Variants in FYN observed in about 807,000 individuals in gnomAD.
FYN encodes tyrosine-protein kinase Fyn.
FYN carries 10 observed loss-of-function variants against 70.2 expected under a neutral mutation model. The ratio of observed to expected loss-of-function variants is 0.14; its 90% CI spans 0.09 to 0.24. The LOEUF (loss-of-function observed/expected upper bound fraction) is 0.24, where lower values mean the gene tolerates loss of function less well. Ranked by LOEUF, FYN falls within the 10% of genes least tolerant of loss-of-function variation. The pLI, the probability that FYN is intolerant of heterozygous loss-of-function variation, is 1.00. For synonymous variants in FYN, 236 were observed against 248.6 expected (o/e 0.95, Z 0.48); for missense variants, 319 against 673.1 (o/e 0.47, Z 5.82).
intron 2 of FYN, among the ~76,000 whole-genome samples, chr6:111,797,990 T>C (rs984630074): frequency 6.6e-6 from 1 of 152,032 alleles, no homozygotes; most frequent in African/African-American, 2.4e-5. Context: ...CTCAAACTCC[T>C]GACCTCAGGT....
intron 2 of FYN, among the ~76,000 whole-genome samples, chr6:111,813,647 A>G (rs1397515916): frequency 1.3e-5 from 2 of 152,228 alleles, no homozygotes; most frequent in African/African-American, 4.8e-5. Flanking sequence ...TAAATCAGCT[A>G]CTTTACCTCT....
chr6:111,772,724 G>A (rs930962237), intron 3 of FYN, among the ~76,000 whole-genome samples: 2 of 152,040 alleles, frequency 1.3e-5, no homozygotes, highest in African/African-American at 4.8e-5. Context: ...AGCCCAGAGT[G>A]TAAGGCACTG....
chr6:111,805,019 C>G (rs1307399874), intron 2 of FYN, among the ~76,000 whole-genome samples: 1 of 152,088 alleles, frequency 6.6e-6, no homozygotes, highest in Admixed American at 6.5e-5. Context: ...GAGTCCTTTT[C>G]AGCCTGCTTC....
At chr6:111,670,711 C>A (rs1293045133) in intron 13 of FYN, among the ~76,000 whole-genome samples, 1 of 148,432 alleles carries the variant, frequency 6.7e-6, no homozygotes, top group East Asian at 2.0e-4. Context: ...GGTGAGATAA[C>A]CAGGTCTGTG....
chr6:111,868,741 A>T (rs778011140), intron 1 of FYN, among the ~76,000 whole-genome samples: 1 of 152,342 alleles, frequency 6.6e-6, no homozygotes, highest in Non-Finnish European at 1.5e-5. Context: ...TCTACCACTT[A>T]GTAGCTGTAT....
intron 2 of FYN, among the ~76,000 whole-genome samples, chr6:111,816,405 T>G (rs538235251): frequency 1.3e-3 from 201 of 152,302 alleles, no homozygotes; most frequent in African/African-American, 4.6e-3. Flanking sequence ...ATCCTTTCAG[T>G]GAGGATTCAG....
intron 3 of FYN, among the ~76,000 whole-genome samples, chr6:111,740,679 C>T (rs529760084): frequency 6.6e-6 from 1 of 152,312 alleles, no homozygotes; most frequent in South Asian, 2.1e-4. Flanking sequence ...TCCCTCTTCA[C>T]ACCTCCTCCC....
chr6:111,872,596 T>A (rs1461280717), intron 1 of FYN, among the ~76,000 whole-genome samples: 5 of 151,834 alleles, frequency 3.3e-5, no homozygotes, highest in African/African-American at 1.2e-4. Context: ...GATTACATCA[T>A]CCCTGACATT....
At position 111,814,966 on chromosome 6, in the gene FYN, TCA is replaced by T. The variant is rs566516322; in HGVS notation, c.-82+31621_-82+31622del. On this transcript the variant is annotated intron_variant, in intron 2 of 13. Coordinates refer to ENST00000354650, the MANE Select transcript of FYN (RefSeq NM_002037.5). ...AGGCAAGGCAGGTAAGCTGGTGAAT[TCA>T]CAGTTCTGCATGTGTGTATGTACAC... is the stretch of plus-strand genomic sequence containing the variant. Among the ~76,000 whole-genome samples, 162 of 152,352 alleles carry T rather than the reference TCA, an allele frequency of 1.1e-3. 4 individuals are homozygous for T. In the South Asian group the frequency reaches 0.024, roughly 23 times the overall value.
intron 13 of FYN, among the ~76,000 whole-genome samples, chr6:111,664,605 C>T (rs1163911178): frequency 1.3e-5 from 2 of 151,410 alleles, no homozygotes; most frequent in African/African-American, 4.9e-5. Flanking sequence ...GTAGCGTCTC[C>T]CGAGGCAGTC....
chr6:111,662,313 T>C (rs1253277152), intron 13 of FYN, among the ~76,000 whole-genome samples: 3 of 152,230 alleles, frequency 2.0e-5, no homozygotes, highest in Non-Finnish European at 2.9e-5. Context: ...CAGAGGGAAC[T>C]CCAAGTGGGA....
intron 2 of FYN, among the ~76,000 whole-genome samples, chr6:111,781,708 T>C (rs1015542030): frequency 6.6e-6 from 1 of 152,216 alleles, no homozygotes; most frequent in Non-Finnish European, 1.5e-5. Flanking sequence ...TTTTGTGCTA[T>C]GGCAGTCTAA....
Position 111,694,374 on chromosome 6 carries a change from C to A in FYN, c.1273+1G>T. On this transcript the variant is annotated splice_donor_variant, in intron 12 of 13. Transcript: ENST00000354650. LOFTEE classifies it high-confidence loss of function. This position sits in a 1 kb window ranked among gnomAD's most constrained non-coding sequence, Gnocchi z 5.0. Reference sequence around the variant, plus strand: ...CGAGCCATTGTCATTCAAGTGCCCACCTTGTCTTGCTGTGTACTCATTGTC... The same window carrying A: ...CGAGCCATTGTCATTCAAGTGCCCAACTTGTCTTGCTGTGTACTCATTGTC... The A allele has an allele frequency of 6.2e-7, 1 of 1,614,118 alleles. No homozygotes were observed. The highest frequency in any genetic ancestry group is 8.5e-7 in the Non-Finnish European group (1 of 1,179,960).
intron 13 of FYN, among the ~76,000 whole-genome samples, chr6:111,667,113 A>T (rs1048257766): frequency 2.6e-5 from 4 of 152,152 alleles, no homozygotes. Context: ...CTGACTCTGT[A>T]GGGTTGCCAA....
At chr6:111,670,007 C>A (rs921082874) in intron 13 of FYN, among the ~76,000 whole-genome samples, 6 of 152,022 alleles carry the variant, frequency 3.9e-5, no homozygotes, top group Non-Finnish European at 8.8e-5. Flanking sequence ...GGTTCTGAGG[C>A]AGACAGGGGA....
chr6:111,720,887 C>A (rs972988992), intron 3 of FYN, among the ~76,000 whole-genome samples: 1 of 152,136 alleles, frequency 6.6e-6, no homozygotes, highest in Non-Finnish European at 1.5e-5. Flanking sequence ...CCAGGCTCCT[C>A]ATCTAAGTAA....
At chr6:111,781,302 G>A (rs1010356405) in intron 2 of FYN, among the ~76,000 whole-genome samples, 1 of 152,036 alleles carries the variant, frequency 6.6e-6, no homozygotes, top group Non-Finnish European at 1.5e-5. Context: ...GTCCAGCCCC[G>A]CAAGAATTTC....
chr6:111,834,812 C>G (rs530129964), intron 2 of FYN, among the ~76,000 whole-genome samples: 1 of 152,322 alleles, frequency 6.6e-6, no homozygotes, highest in Non-Finnish European at 1.5e-5. Flanking sequence ...GCCCCAATTA[C>G]TACTGAGTGG....
intron 2 of FYN, among the ~76,000 whole-genome samples, chr6:111,810,413 G>T (rs1772287170): frequency 2.0e-5 from 3 of 152,128 alleles, no homozygotes; most frequent in South Asian, 4.1e-4. Context: ...CTTGATGTCG[G>T]TCTGGTAAAA....
Sources: allele counts gnomAD v4.1 joint callset (sites outside exome capture counted in the v4.1 genomes callset), GRCh38; gene constraint gnomAD v4.1.1; non-coding constraint Gnocchi (gnomAD v3.1); transcripts MANE v1.5; gene names NCBI Gene and HGNC (gene_info 2026-07-23, HGNC 2026-07-21).